Variants in EPB41 observed in about 807,000 individuals in gnomAD.
The protein encoded by EPB41 is erythrocyte membrane protein band 4.1.
EPB41 carries 65 observed loss-of-function variants against 108.0 expected under a neutral mutation model. The observed-to-expected ratio is 0.60, with a 90% CI of 0.49 to 0.74. The LOEUF is 0.74. Ranked by LOEUF, EPB41 falls within the 30% of genes least tolerant of loss-of-function variation. EPB41 has a pLI of 0.00. For missense variants in EPB41, 875 were observed against 1,037.0 expected, an observed-to-expected ratio of 0.84 and a Z score of 2.15; for synonymous variants, 336 against 358.9, an observed-to-expected ratio of 0.94 and a Z score of 0.72.
At chr1:29,098,034 T>A in intron 17 of EPB41, 99 bp downstream of exon 17, 1 of 1,538,918 alleles carries the variant, frequency 6.5e-7, no homozygotes, top group Non-Finnish European at 8.9e-7. Context: ...GAATACCAGG[T>A]TTTTCTGGGG....
intron 1 of EPB41, among the ~76,000 whole-genome samples, chr1:28,962,677 C>G (rs1484655063): frequency 6.6e-6 from 1 of 152,144 alleles, no homozygotes; most frequent in South Asian, 2.1e-4. Flanking sequence ...TTAGAACTTT[C>G]TGTCTCTGGA....
intron 17 of EPB41, among the ~76,000 whole-genome samples, chr1:29,103,914 G>A (rs1270783414): frequency 2.0e-5 from 3 of 152,124 alleles, no homozygotes; most frequent in African/African-American, 7.2e-5. Context: ...TGATCTGCCC[G>A]CCTTGGCCTC....
In EPB41 at chr1:29,115,498, TC is replaced by T. The variant is rs1297798407; in HGVS notation, c.2497-198del. 1.3e-5 allele frequency among the ~76,000 whole-genome samples: 2 copies of T among 152,180 alleles called. No individual in the cohort carries two copies. Among genetic ancestry groups the T allele is most frequent in the Non-Finnish European group, 2.9e-5 (2 of 68,018 alleles). ...TAGAAGACAGCGCTAACCTTCCCTG[TC>T]CCTGTGTTATCAGTCCAGAAGCCTC... On this transcript the variant is annotated intron_variant, in intron 19 of 20. Transcript: ENST00000343067. The surrounding 1 kb of genome is among the most constrained non-coding windows in gnomAD (Gnocchi z 4.4).
intron 16 of EPB41, among the ~76,000 whole-genome samples, chr1:29,092,098 T>A (rs1203735374): frequency 6.8e-6 from 1 of 147,760 alleles, no homozygotes; most frequent in African/African-American, 2.5e-5. Flanking sequence ...ACCTTCTTTT[T>A]TTTTTTTTTT....
intron 1 of EPB41, among the ~76,000 whole-genome samples, chr1:28,983,165 T>G (rs1055991194): frequency 2.0e-5 from 3 of 152,246 alleles, no homozygotes; most frequent in Non-Finnish European, 4.4e-5. Context: ...GTTTAAAGAT[T>G]ACAAAGTCTG....
At chr1:28,910,914 C>T (rs1422777742), upstream of EPB41, 5 of 940,334 alleles carry the variant, frequency 5.3e-6, no homozygotes, top group Non-Finnish European at 6.3e-6. Context: ...GGGACCCCAT[C>T]CTGGGGCTTG....
intron 1 of EPB41, among the ~76,000 whole-genome samples, chr1:28,955,218 T>C (rs1010426962): frequency 1.3e-5 from 2 of 152,236 alleles, no homozygotes; most frequent in Non-Finnish European, 2.9e-5. Context: ...CTAAGGAATT[T>C]TCCTTCGTAT....
At chr1:28,990,511 C>T (rs2095992844) in intron 2 of EPB41, among the ~76,000 whole-genome samples, 1 of 151,836 alleles carries the variant, frequency 6.6e-6, no homozygotes, top group African/African-American at 2.4e-5. Context: ...GCCTCAACCT[C>T]CCGGGCTCAA....
At chr1:28,916,795 A>G (rs1000251683) in intron 1 of EPB41, among the ~76,000 whole-genome samples, 3 of 145,134 alleles carry the variant, frequency 2.1e-5, no homozygotes, top group East Asian at 4.0e-4. Flanking sequence ...TCTCCCAACA[A>G]TTTTTTTTTT....
intron 1 of EPB41, among the ~76,000 whole-genome samples, chr1:28,940,680 G>T (rs1388270080): frequency 1.3e-5 from 2 of 151,930 alleles, no homozygotes; most frequent in African/African-American, 4.8e-5. Flanking sequence ...ATATTTCTTG[G>T]AAATCAAGTC....
chr1:29,009,146 T>C (rs1323004451), intron 4 of EPB41, among the ~76,000 whole-genome samples: 5 of 150,098 alleles, frequency 3.3e-5, no homozygotes, highest in African/African-American at 4.9e-5. Flanking sequence ...AATCCTTCTT[T>C]TTTTTTTTTT....
chr1:28,977,966 T>TAATCACTTGTA (rs2095648489), intron 1 of EPB41, among the ~76,000 whole-genome samples: 2 of 151,406 alleles, frequency 1.3e-5, no homozygotes, highest in African/African-American at 4.9e-5. Flanking sequence ...CTTTTTTTTT[T>TAATCACTTGTA]TAAGAACATA....
chr1:28,951,752 G>A (rs10915211), intron 1 of EPB41, among the ~76,000 whole-genome samples: 19,280 of 152,036 alleles, frequency 0.13, 1,505 homozygotes, highest in East Asian at 0.38. Context: ...TACTTGGGAG[G>A]CTGAGATGGG....
intron 2 of EPB41, 32 bp from the exon 3 acceptor site, chr1:28,993,298 A>G (rs772772414): frequency 8.9e-6 from 14 of 1,566,188 alleles, no homozygotes; most frequent in African/African-American, 1.4e-5. Flanking sequence ...AAATGTGTTT[A>G]TTACTGACTT....
At chr1:28,907,386 G>C (rs1040430563) in intron 1 of EPB41, among the ~76,000 whole-genome samples, 1 of 151,100 alleles carries the variant, frequency 6.6e-6, no homozygotes, top group African/African-American at 2.4e-5. Context: ...TTTCAATAGA[G>C]ATGGGGTCTC....
chr1:28,993,669 T>G (rs896466371), intron 3 of EPB41, 127 bp downstream of exon 3: 1 of 886,980 alleles, frequency 1.1e-6, no homozygotes, highest in African/African-American at 1.7e-5. Context: ...TTTTTTTTTT[T>G]TTTTTGAGAC....
chr1:28,988,646 C>T (rs1557929988), intron 2 of EPB41, among the ~76,000 whole-genome samples: 1 of 152,170 alleles, frequency 6.6e-6, no homozygotes, highest in Non-Finnish European at 1.5e-5. Context: ...AGACGTGAGC[C>T]ACCATGCCCG....
At chr1:29,004,707 T>G (rs1477239265) in intron 4 of EPB41, among the ~76,000 whole-genome samples, 5 of 152,132 alleles carry the variant, frequency 3.3e-5, no homozygotes, top group African/African-American at 1.2e-4. Context: ...TTTTTTGGGG[T>G]TTTGTTTCTT....
chr1:28,948,302 A>G (rs1011139873), intron 1 of EPB41, among the ~76,000 whole-genome samples: 6 of 151,862 alleles, frequency 4.0e-5, no homozygotes, highest in Non-Finnish European at 8.8e-5. Context: ...TCACGAGGTA[A>G]GGAGATCGAG....
Sources: allele counts gnomAD v4.1 joint callset (sites outside exome capture counted in the v4.1 genomes callset), GRCh38; gene constraint gnomAD v4.1.1; non-coding constraint Gnocchi (gnomAD v3.1); transcripts MANE v1.5; gene names NCBI Gene and HGNC (gene_info 2026-07-23, HGNC 2026-07-21).